Variants in BCKDHB observed in about 807,000 individuals in gnomAD.
BCKDHB encodes branched chain keto acid dehydrogenase E1 subunit beta, also known as 2-oxoisovalerate dehydrogenase subunit beta, mitochondrial.
In BCKDHB, 41 loss-of-function variants were observed where a neutral mutation model predicts 48.5. The observed-to-expected ratio is 0.85, with a 90% CI of 0.66 to 1.10. BCKDHB has a LOEUF of 1.10. Ranked by LOEUF, BCKDHB falls within the 50% of genes least tolerant of loss-of-function variation. The pLI, the probability that BCKDHB is intolerant of heterozygous loss-of-function variation, is 0.00. For missense variants in BCKDHB, 496 were observed against 494.2 expected, an observed-to-expected ratio of 1.00 and a Z score of -0.03; for synonymous variants, 201 against 174.8, an observed-to-expected ratio of 1.15 and a Z score of -1.18.
At chr6:80,161,294 T>C (rs935422776) in intron 3 of BCKDHB, among the ~76,000 whole-genome samples, 27 of 147,926 alleles carry the variant, frequency 1.8e-4, no homozygotes, top group South Asian at 2.3e-4. Flanking sequence ...ATTAATTTTT[T>C]ATACTACCTG....
intron 9 of BCKDHB, among the ~76,000 whole-genome samples, chr6:80,284,229 TAG>T (rs1287735445): frequency 6.6e-6 from 1 of 152,120 alleles, no homozygotes; most frequent in Non-Finnish European, 1.5e-5. Flanking sequence ...GACATTAAAA[TAG>T]AGATTCACTA....
At chr6:80,407,539 G>C in the BCKDHB span, among the ~76,000 whole-genome samples, 1 of 152,180 alleles carries the variant, frequency 6.6e-6, no homozygotes, top group Non-Finnish European at 1.5e-5. Context: ...TCATTGAGCA[G>C]TGGTTTGTAG....
chr6:80,414,528 C>G, the BCKDHB span, among the ~76,000 whole-genome samples: 1 of 151,938 alleles, frequency 6.6e-6, no homozygotes, highest in African/African-American at 2.4e-5. Flanking sequence ...ATCCCAGAAT[C>G]TTTTGCCTAT....
intron 3 of BCKDHB, among the ~76,000 whole-genome samples, chr6:80,138,860 T>C (rs919995603): frequency 6.6e-6 from 1 of 152,178 alleles, no homozygotes; most frequent in African/African-American, 2.4e-5. Context: ...TAGTTCTAGA[T>C]CCCTGAGGAA....
intron 6 of BCKDHB, among the ~76,000 whole-genome samples, chr6:80,186,584 T>A (rs1773652425): frequency 1.3e-5 from 2 of 152,222 alleles, no homozygotes; most frequent in African/African-American, 4.8e-5. Context: ...CTGCAAGTTA[T>A]ATGTGCACTT....
At chr6:80,261,636 G>C (rs1777306074) in intron 8 of BCKDHB, among the ~76,000 whole-genome samples, 1 of 152,076 alleles carries the variant, frequency 6.6e-6, no homozygotes, top group South Asian at 2.1e-4. Context: ...CACGAGTGTG[G>C]TTTTAGCTTA....
At chr6:80,143,542 G>A (rs1466217226) in intron 3 of BCKDHB, among the ~76,000 whole-genome samples, 1 of 152,172 alleles carries the variant, frequency 6.6e-6, no homozygotes, top group Non-Finnish European at 1.5e-5. Context: ...GAGAATTAGA[G>A]CACAGTGCTT....
rs73479911 is a variant in BCKDHB at position 80,127,146 on chromosome 6, C to T, written c.197-401C>T. The T allele has an allele frequency of 8.2e-3, 1,866 of 227,386 alleles. 37 individuals are homozygous for T. Among genetic ancestry groups the T allele is most frequent in the African/African-American group, 0.04 (1,756 of 43,704 alleles). 14.1% of individuals were successfully genotyped at this position (227,386 alleles called of 1,614,324 possible). On this transcript the variant is annotated intron_variant, in intron 1 of 9. Transcript: ENST00000320393. Reference sequence around the variant, plus strand: ...ATGGTCCATGACCATTTGCTGTTGACGTATTTAGCACATGCCACTGGTCAT... The same window carrying T: ...ATGGTCCATGACCATTTGCTGTTGATGTATTTAGCACATGCCACTGGTCAT...
the BCKDHB span, among the ~76,000 whole-genome samples, chr6:80,438,365 G>C: frequency 6.6e-6 from 1 of 152,138 alleles, no homozygotes; most frequent in African/African-American, 2.4e-5. Flanking sequence ...ATTGATAGGT[G>C]TTTACATTGT....
the BCKDHB span, chr6:80,440,783 CT>C: frequency 6.6e-6 from 1 of 152,158 alleles, no homozygotes; most frequent in Non-Finnish European, 1.5e-5. Flanking sequence ...GCCGAAGGAC[CT>C]GGGCTTTAAT....
chr6:80,334,734 CT>C (rs1375455260), intron 9 of BCKDHB, among the ~76,000 whole-genome samples: 4 of 151,298 alleles, frequency 2.6e-5, no homozygotes, highest in African/African-American at 9.7e-5. Flanking sequence ...CTTTTCTTGT[CT>C]TTTTTATGTT....
At position 80,343,954 on chromosome 6, in the gene BCKDHB, G is replaced by A; in HGVS notation, c.*150G>A. 1.0e-6 allele frequency: 1 copy of A among 991,228 alleles called. No individual in the cohort carries two copies. Among genetic ancestry groups the A allele is most frequent in the Admixed American group, 2.0e-5 (1 of 49,884 alleles). 61.4% of individuals were successfully genotyped at this position (991,228 alleles called of 1,614,324 possible). A position where few individuals can be genotyped will look rare whatever the true frequency, so the allele number is the denominator to read the frequency against. ...AAGGCAACTTTCAGAAGAAAATAAT[G>A]TGCTTTAGAAAAAAAATTCAAATTT... On this transcript the variant is annotated 3_prime_UTR_variant, in exon 10 of 10. Transcript: ENST00000320393.
chr6:80,117,265 T>C (rs1223340032), intron 1 of BCKDHB, among the ~76,000 whole-genome samples: 1 of 152,236 alleles, frequency 6.6e-6, no homozygotes, highest in Non-Finnish European at 1.5e-5. Context: ...TAAATTATTT[T>C]ATACAAGACG....
chr6:80,232,295 T>A lies in BCKDHB; in HGVS notation c.951+29083T>A, dbSNP rs568455468. 3.3e-5 allele frequency among the ~76,000 whole-genome samples: 5 copies of A among 151,980 alleles called. No individual in the cohort carries two copies. In the South Asian group the frequency reaches 1.0e-3, roughly 32 times the overall value. On this transcript the variant is annotated intron_variant, in intron 8 of 9. Transcript: ENST00000320393. ...TCTTTAACCCTTTTTTTTTTTAATCTCTACTTCTGATTGGGAAACCAGAGA... is the reference window on the plus strand; with the variant it reads ...TCTTTAACCCTTTTTTTTTTTAATCACTACTTCTGATTGGGAAACCAGAGA...
At chr6:80,112,413 C>A (rs747490443) in intron 1 of BCKDHB, among the ~76,000 whole-genome samples, 2 of 152,176 alleles carry the variant, frequency 1.3e-5, no homozygotes, top group Non-Finnish European at 2.9e-5. Flanking sequence ...GCTAACCAGG[C>A]CAACCCTACT....
chr6:80,366,247 C>T, the BCKDHB span, among the ~76,000 whole-genome samples: 2 of 152,138 alleles, frequency 1.3e-5, no homozygotes, highest in Non-Finnish European at 1.5e-5. Context: ...CTTTCAAAGA[C>T]GCAGATTGAA....
chr6:80,252,143 G>A (rs1382054660), intron 8 of BCKDHB, among the ~76,000 whole-genome samples: 3 of 152,306 alleles, frequency 2.0e-5, no homozygotes, highest in Admixed American at 2.0e-4. Context: ...GGTTAAGTAA[G>A]TTGCCCATGT....
rs574321306 is a variant in BCKDHB, at chr6:80,319,593, T to A, written c.1039-24071T>A. 5.9e-5 allele frequency among the ~76,000 whole-genome samples: 9 copies of A among 152,338 alleles called. 1 individual carries two copies. In the South Asian group the frequency reaches 1.7e-3, roughly 28 times the overall value. On this transcript the variant is annotated intron_variant, in intron 9 of 9. Coordinates refer to ENST00000320393, the MANE Select transcript of BCKDHB (RefSeq NM_183050.4). ...GAAACGTGTAGCCCTCTGGTTGTACTGCAAAAGTGGTTGCATTTTGAAGGC... is the reference window on the plus strand; with the variant it reads ...GAAACGTGTAGCCCTCTGGTTGTACAGCAAAAGTGGTTGCATTTTGAAGGC...
chr6:80,435,562 A>C, the BCKDHB span, among the ~76,000 whole-genome samples: 1 of 152,212 alleles, frequency 6.6e-6, no homozygotes, highest in Non-Finnish European at 1.5e-5. Flanking sequence ...TAGATTGTGA[A>C]AATTACCACA....
Sources: gnomAD v4.1 joint callset for allele counts (sites outside exome capture counted in the v4.1 genomes callset) on GRCh38, gnomAD v4.1.1 for gene constraint, MANE v1.5 for transcripts, NCBI Gene and HGNC (gene_info 2026-07-23, HGNC 2026-07-21) for gene names.